The following ZDHHC17 variants were observed in gnomAD, a reference collection of about 807,000 sequenced individuals.
ZDHHC17 encodes the protein zDHHC palmitoyltransferase 17, also known as palmitoyltransferase ZDHHC17.
ZDHHC17 carries 40 observed loss-of-function variants against 90.3 expected under a neutral mutation model. The observed-to-expected ratio is 0.44, with a 90% confidence interval of 0.34 to 0.58. ZDHHC17 has a LOEUF of 0.58. ZDHHC17 is among the 20% of genes least tolerant of loss of function. ZDHHC17 has a pLI of 0.01. For missense variants in ZDHHC17, 614 were observed against 780.8 expected, an observed-to-expected ratio of 0.79 and a Z score of 2.55; for synonymous variants, 235 against 252.4, an observed-to-expected ratio of 0.93 and a Z score of 0.65.
At chr12:76,777,858 A>G (rs1352843805) in intron 1 of ZDHHC17, among the ~76,000 whole-genome samples, 1 of 152,190 alleles carries the variant, frequency 6.6e-6, no homozygotes. Context: ...CACATGAGGA[A>G]GTGAAACCAG....
At chr12:76,849,561 C>A in intron 16 of ZDHHC17, 91 bp downstream of exon 16, 1 of 718,426 alleles carries the variant, frequency 1.4e-6, no homozygotes, top group Non-Finnish European at 2.2e-6. Flanking sequence ...TGTAAAATAG[C>A]TTTTAAACCT....
At chr12:76,803,879 T>A (rs1460928697) in intron 2 of ZDHHC17, among the ~76,000 whole-genome samples, 1 of 152,182 alleles carries the variant, frequency 6.6e-6, no homozygotes, top group Non-Finnish European at 1.5e-5. Context: ...TCATCAGTTA[T>A]ACTTGGGATG....
rs147745621 is a variant in ZDHHC17 at position 76,791,733 on chromosome 12, C to T, written c.94-5701C>T. 3.7e-3 allele frequency among the ~76,000 whole-genome samples: 567 copies of T among 152,288 alleles called. 3 individuals are homozygous for T. The highest frequency in any genetic ancestry group is 6.9e-3 in the Admixed American group (105 of 15,304). The stretch of plus-strand genomic sequence containing the variant: ...CAGTCCCACAAGACTGAAGTCCCCA[C>T]TTCAGATGCCAGTCACAAATCAGGC... On this transcript the variant is annotated intron_variant, in intron 1 of 16. Transcript: ENST00000426126.
At chr12:76,831,297 T>C (rs1384817916) in intron 10 of ZDHHC17, among the ~76,000 whole-genome samples, 1 of 152,202 alleles carries the variant, frequency 6.6e-6, no homozygotes, top group East Asian at 1.9e-4. Flanking sequence ...TAAATATGGA[T>C]TCACAATTTT....
In ZDHHC17 at chr12:76,842,939, G is replaced by A. The variant is rs1313327439; in HGVS notation, c.1287G>A (p.Glu429=). The A allele has an allele frequency of 1.2e-6, 2 of 1,610,782 alleles. No individual in the cohort carries two copies. Among genetic ancestry groups the A allele is most frequent in the Non-Finnish European group, 1.7e-6 (2 of 1,178,128 alleles). ...QKKKTIVELA[E]TGSLDLSIFC... is the part of the protein sequence containing the mutation. ...CACAGACAATAGTTGAACTTGCAGA[G>A]ACAGGAAGTCTGGACCTCAGTATAT... Residue 429 remains glutamate, a synonymous_variant, in exon 12 of 17, where the codon GAG becomes GAA. Coordinates refer to ENST00000426126, the MANE Select transcript of ZDHHC17 (RefSeq NM_015336.4).
At position 76,852,883 on chromosome 12, in the gene ZDHHC17, C is replaced by CTA. The variant is rs1953582200; in HGVS notation, c.*1899_*1900dup. On this transcript the variant is annotated 3_prime_UTR_variant, in exon 17 of 17. Coordinates refer to ENST00000426126, the MANE Select transcript of ZDHHC17 (RefSeq NM_015336.4). ...TACAAATGTCAGCTAGTTTTGACTA[C>CTA]TAATTGGGGGAAATTTTAGATAATT... is the stretch of plus-strand genomic sequence containing the variant. 6.6e-6 allele frequency: 1 copy of CTA among 152,502 alleles called. No homozygotes were observed. The highest frequency in any genetic ancestry group is 2.4e-5 in the African/African-American group (1 of 41,408). The allele number at this position is 152,502 out of a possible 1,614,324, so 9.4% of individuals were successfully genotyped here.
chr12:76,777,806 T>C (rs1485897335), intron 1 of ZDHHC17, among the ~76,000 whole-genome samples: 1 of 152,068 alleles, frequency 6.6e-6, no homozygotes, highest in African/African-American at 2.4e-5. Flanking sequence ...CTAGCAGGGA[T>C]TGGGGAACTG....
chr12:76,852,119 T>A lies in ZDHHC17; in HGVS notation c.*1134T>A, dbSNP rs1953575036. The A allele has an allele frequency of 6.5e-6, 1 of 152,692 alleles. No homozygotes were observed. The highest frequency in any genetic ancestry group is 1.5e-5 in the Non-Finnish European group (1 of 68,044). The allele number at this position is 152,692 out of a possible 1,614,324, so 9.5% of individuals were successfully genotyped here. A position where few individuals can be genotyped will look rare whatever the true frequency, so the allele number is the denominator to read the frequency against. Reference sequence around the variant, plus strand: ...TGAAACAGTTTTAGAAAAAATTTTCTTTTTGTTAAATGTGATGCACTGATC... The same window carrying A: ...TGAAACAGTTTTAGAAAAAATTTTCATTTTGTTAAATGTGATGCACTGATC... On this transcript the variant is annotated 3_prime_UTR_variant, in exon 17 of 17. Transcript: ENST00000426126.
chr12:76,783,418 C>T (rs1356150897), intron 1 of ZDHHC17, among the ~76,000 whole-genome samples: 1 of 152,174 alleles, frequency 6.6e-6, no homozygotes, highest in Non-Finnish European at 1.5e-5. Context: ...GAAGGAGGAA[C>T]TATCAAACGC....
At chr12:76,808,770 C>T (rs1228831708) in intron 3 of ZDHHC17, among the ~76,000 whole-genome samples, 1 of 151,678 alleles carries the variant, frequency 6.6e-6, no homozygotes, top group Non-Finnish European at 1.5e-5. Context: ...TCCTTGAGTA[C>T]CTTCTTTTTT....
chr12:76,842,058 G>A lies in ZDHHC17; in HGVS notation c.1218G>A (p.Trp406Ter). The A allele has an allele frequency of 6.2e-7, 1 of 1,601,162 alleles. No homozygotes were observed. Among genetic ancestry groups the A allele is most frequent in the Non-Finnish European group, 8.5e-7 (1 of 1,174,414 alleles). Reference sequence around the variant, plus strand: ...TTTTCTACAATTTTGGAAAATCTTGGAAATCAGATCCAGGGATTATTAAAG... The same window carrying A: ...TTTTCTACAATTTTGGAAAATCTTGAAAATCAGATCCAGGGATTATTAAAG... ...VALFYNFGKS[W>*]KSDPGIIKAT... Residue 406 changes from tryptophan to a stop codon, truncating the protein, a stop_gained, in exon 11 of 17, where the codon TGG becomes TGA. Transcript: ENST00000426126. LOFTEE classifies it high-confidence loss of function.
Position 76,794,834 on chromosome 12 carries a change from G to A in ZDHHC17, c.94-2600G>A, listed in dbSNP as rs75674666. ...AAAGTTTCTTGAAAACTTTATGATA[G>A]TAATCCTCAGAAAGAGACTTATTTT... On this transcript the variant is annotated intron_variant, in intron 1 of 16. Coordinates refer to ENST00000426126, the MANE Select transcript of ZDHHC17 (RefSeq NM_015336.4). 9.4e-3 allele frequency among the ~76,000 whole-genome samples: 1,431 copies of A among 152,208 alleles called. 16 individuals carry two copies. The highest frequency in any genetic ancestry group is 0.033 in the African/African-American group (1,363 of 41,538).
intron 1 of ZDHHC17, among the ~76,000 whole-genome samples, chr12:76,785,170 C>T (rs534873627): frequency 6.6e-6 from 1 of 152,144 alleles, no homozygotes; most frequent in Non-Finnish European, 1.5e-5. Flanking sequence ...CTTAAAACAT[C>T]TTTAAAGGGC....
At chr12:76,827,172 C>T in intron 9 of ZDHHC17, 122 bp downstream of exon 9, 1 of 1,123,234 alleles carries the variant, frequency 8.9e-7, no homozygotes, top group Non-Finnish European at 1.2e-6. Context: ...ATAATTTAGA[C>T]ATCTGTATGT....
chr12:76,808,975 A>G (rs1263402245), intron 3 of ZDHHC17, 68 bp from the exon 4 acceptor site: 1 of 1,043,438 alleles, frequency 9.6e-7, no homozygotes, highest in South Asian at 2.1e-5. Flanking sequence ...GTATTTACAT[A>G]TTTTTCACAA....
intron 1 of ZDHHC17, among the ~76,000 whole-genome samples, chr12:76,770,417 G>A (rs1295788940): frequency 1.3e-5 from 2 of 152,124 alleles, no homozygotes; most frequent in African/African-American, 4.8e-5. Context: ...TCCAAGTATG[G>A]TCTTGACCCT....
intron 5 of ZDHHC17, 24 bp downstream of exon 5, chr12:76,809,881 G>C: frequency 6.2e-7 from 1 of 1,600,418 alleles, no homozygotes; most frequent in Non-Finnish European, 8.5e-7. Flanking sequence ...CAGTGGTATG[G>C]ATTTTAATCA....
intron 12 of ZDHHC17, among the ~76,000 whole-genome samples, chr12:76,843,244 T>G (rs1953455817): frequency 2.6e-5 from 4 of 152,122 alleles, no homozygotes; most frequent in Admixed American, 2.6e-4. Flanking sequence ...AAAATGTTAA[T>G]AAATTAAAAA....
intron 8 of ZDHHC17, among the ~76,000 whole-genome samples, chr12:76,826,637 G>A (rs1017022882): frequency 1.3e-5 from 2 of 152,072 alleles, no homozygotes; most frequent in African/African-American, 4.8e-5. Flanking sequence ...GTGTTAAGCA[G>A]GTAGTACTGT....
Sources: allele counts gnomAD v4.1 joint callset (sites outside exome capture counted in the v4.1 genomes callset), GRCh38; gene constraint gnomAD v4.1.1; transcripts MANE v1.5; gene names NCBI Gene and HGNC (gene_info 2026-07-23, HGNC 2026-07-21).